The following SERGEF variants were observed in gnomAD, a reference collection of about 807,000 sequenced individuals.
SERGEF encodes secretion-regulating guanine nucleotide exchange factor.
In SERGEF, 51 loss-of-function variants were observed where a neutral mutation model predicts 50.0. The ratio of observed to expected loss-of-function variants is 1.02; its 90% confidence interval spans 0.81 to 1.29. The LOEUF (loss-of-function observed/expected upper bound fraction) is 1.29. Ranked by LOEUF, SERGEF falls within the 50% of genes most tolerant of loss-of-function variation. The probability of loss-of-function intolerance (pLI) is 0.00; values close to 1 mark genes in which losing one functional copy is unlikely to be tolerated. For synonymous variants in SERGEF, 205 were observed against 212.4 expected (o/e 0.97, Z 0.30); for missense variants, 521 against 557.0 (o/e 0.94, Z 0.65).
intron 9 of SERGEF, among the ~76,000 whole-genome samples, chr11:17,921,623 G>C (rs1852156785): frequency 6.6e-6 from 1 of 152,208 alleles, no homozygotes; most frequent in African/African-American, 2.4e-5. Flanking sequence ...AGTGCTAAGA[G>C]AAACATAGAC....
chr11:17,804,386 A>G (rs913832912), intron 10 of SERGEF, among the ~76,000 whole-genome samples: 2 of 152,182 alleles, frequency 1.3e-5, no homozygotes, highest in Non-Finnish European at 2.9e-5. Flanking sequence ...ACTACTCCCA[A>G]CTGGCTCCAT....
chr11:17,999,611 G>T (rs1361213480), intron 5 of SERGEF: 2 of 455,328 alleles, frequency 4.4e-6, no homozygotes, highest in African/African-American at 2.0e-5. Flanking sequence ...AAAATGAAAA[G>T]GGGAGAGATA....
chr11:17,963,348 G>A (rs1853053253), intron 8 of SERGEF, among the ~76,000 whole-genome samples: 1 of 116,796 alleles, frequency 8.6e-6, no homozygotes, highest in African/African-American at 3.5e-5. Context: ...CCCTAAACTT[G>A]GTTGCTTACT....
intron 9 of SERGEF, among the ~76,000 whole-genome samples, chr11:17,899,707 C>A (rs910768758): frequency 2.6e-5 from 4 of 152,086 alleles, no homozygotes; most frequent in African/African-American, 9.7e-5. Context: ...AATCCCAGCA[C>A]TTTGGGAGGC....
chr11:17,848,565 T>C (rs1850656410), intron 10 of SERGEF, among the ~76,000 whole-genome samples: 1 of 152,234 alleles, frequency 6.6e-6, no homozygotes, highest in East Asian at 1.9e-4. Flanking sequence ...ATTTTTCATA[T>C]GTGCCTTTTT....
At position 17,837,192 on chromosome 11, in the gene SERGEF, A is replaced by G. The variant is rs551169273; in HGVS notation, c.1048+41016T>C. 2.0e-5 allele frequency among the ~76,000 whole-genome samples: 3 copies of G among 152,302 alleles called. No homozygotes were observed. In the South Asian group the frequency reaches 6.2e-4, roughly 32 times the overall value. On this transcript the variant is annotated intron_variant, in intron 10 of 10. Coordinates refer to ENST00000265965, the MANE Select transcript of SERGEF (RefSeq NM_012139.4). ...CCCCCATCCCCAAGTTTAGGAGCTG[A>G]AACTAGCTATTAATTTGATCTATAC... is the stretch of plus-strand genomic sequence containing the variant.
At chr11:17,918,851 A>C in intron 9 of SERGEF, 1 of 348,360 alleles carries the variant, frequency 2.9e-6, no homozygotes, top group South Asian at 2.2e-5. Flanking sequence ...GCAAAGGTAT[A>C]AATGTGTGAA....
At chr11:17,851,299 G>A (rs183427843) in intron 10 of SERGEF, among the ~76,000 whole-genome samples, 47 of 152,246 alleles carry the variant, frequency 3.1e-4, no homozygotes, top group Middle Eastern at 6.8e-3. Flanking sequence ...TACAGAGTTA[G>A]GATTCAAACC....
intron 10 of SERGEF, among the ~76,000 whole-genome samples, chr11:17,866,447 T>C (rs1159407373): frequency 6.6e-6 from 1 of 152,242 alleles, no homozygotes; most frequent in Non-Finnish European, 1.5e-5. Flanking sequence ...TCTAGGTTTG[T>C]TAAGTACACT....
intron 9 of SERGEF, among the ~76,000 whole-genome samples, chr11:17,914,195 C>A (rs959477141): frequency 1.3e-5 from 2 of 152,198 alleles, no homozygotes; most frequent in African/African-American, 4.8e-5. Flanking sequence ...GGAATGCTTC[C>A]TTCTTGTCCA....
At chr11:17,838,290 A>T (rs576468432) in intron 10 of SERGEF, among the ~76,000 whole-genome samples, 1 of 152,242 alleles carries the variant, frequency 6.6e-6, no homozygotes, top group Non-Finnish European at 1.5e-5. Context: ...GGGAAGGATG[A>T]TGTTTCCTGA....
chr11:17,882,044 C>G (rs112787789), intron 9 of SERGEF, among the ~76,000 whole-genome samples: 1 of 152,326 alleles, frequency 6.6e-6, no homozygotes, highest in East Asian at 1.9e-4. Flanking sequence ...AAGAACATCA[C>G]GCAATTTCAG....
chr11:17,819,529 A>G (rs1850038797), intron 10 of SERGEF, among the ~76,000 whole-genome samples: 1 of 152,234 alleles, frequency 6.6e-6, no homozygotes, highest in Non-Finnish European at 1.5e-5. Context: ...ATCTGAGGTC[A>G]CACGGTGAAT....
chr11:17,895,265 T>G (rs570893231), intron 9 of SERGEF, among the ~76,000 whole-genome samples: 2 of 152,298 alleles, frequency 1.3e-5, no homozygotes, highest in East Asian at 3.9e-4. Flanking sequence ...TCCTAAAGCT[T>G]TACTCTTTCT....
rs138466972 is a variant in SERGEF at position 17,788,348 on chromosome 11, C to G, written c.1114G>C (p.Val372Leu). ...GCCTGCACCGGCTTTGGGGCCCAGA[C>G]GTTGGCTTCAGTGCCATCTCCGCAC... ...GMCGDGTEAN[V>L]WAPKPVQALL... The change falls in exon 11 of 11, where the codon GTC becomes CTC. Residue 372 changes from valine (V) to leucine (L), a missense_variant. By Grantham distance (32) the Val-to-Leu change is conservative. Coordinates refer to ENST00000265965, the MANE Select transcript of SERGEF (RefSeq NM_012139.4). The G allele has an allele frequency of 6.2e-7, 1 of 1,614,010 alleles. No individual in the cohort carries two copies. The highest frequency in any genetic ancestry group is 8.5e-7 in the Non-Finnish European group (1 of 1,179,986).
rs188222937 is a variant in SERGEF at position 17,808,435 on chromosome 11, C to T, written c.1049-20022G>A. On this transcript the variant is annotated intron_variant, in intron 10 of 10. Coordinates refer to ENST00000265965, the MANE Select transcript of SERGEF (RefSeq NM_012139.4). ...AGAGCGAGCAGGGGGAAGTGCCATG[C>T]GCTTTTAAACAACCAAATCACACAT... Among the ~76,000 whole-genome samples the T allele has an allele frequency of 8.3e-4, 127 of 152,206 alleles. 1 individual carries two copies. Among genetic ancestry groups the T allele is most frequent in the Non-Finnish European group, 4.1e-4 (28 of 68,020 alleles).
intron 7 of SERGEF, among the ~76,000 whole-genome samples, chr11:17,990,744 C>T (rs945100558): frequency 1.3e-5 from 2 of 151,726 alleles, no homozygotes; most frequent in African/African-American, 4.8e-5. Context: ...ACAGCTTGAA[C>T]TAGATGAAGA....
At chr11:17,998,498 AGTGT>A (rs1305307472) in intron 5 of SERGEF, among the ~76,000 whole-genome samples, 14 of 84,386 alleles carry the variant, frequency 1.7e-4, no homozygotes, top group Admixed American at 1.3e-3. Flanking sequence ...TGCATGTGTG[AGTGT>A]GTGTGTTATA....
chr11:17,869,848 G>A (rs1183100201), intron 10 of SERGEF, among the ~76,000 whole-genome samples: 2 of 152,144 alleles, frequency 1.3e-5, no homozygotes, highest in African/African-American at 4.8e-5. Flanking sequence ...TTGTTACATG[G>A]CAAGGGGAAC....
Sources: allele counts gnomAD v4.1 joint callset (sites outside exome capture counted in the v4.1 genomes callset), GRCh38; gene constraint gnomAD v4.1.1; transcripts MANE v1.5; gene names NCBI Gene and HGNC (gene_info 2026-07-23, HGNC 2026-07-21).